DPY19L2: variants seen among roughly 807,000 people sequenced by gnomAD.
DPY19L2 encodes the protein probable C-mannosyltransferase DPY19L2.
DPY19L2 carries 34 observed loss-of-function variants against 97.9 expected under a neutral mutation model. The ratio of observed to expected loss-of-function variants is 0.35; its 90% CI spans 0.26 to 0.46. DPY19L2 has a LOEUF of 0.46. DPY19L2 is among the 20% of genes least tolerant of loss of function. DPY19L2 has a pLI of 1.00. For missense variants in DPY19L2, 623 were observed against 911.4 expected (o/e 0.68, Z 4.07); for synonymous variants, 230 against 307.9 (o/e 0.75, Z 2.65).
intron 12 of DPY19L2, among the ~76,000 whole-genome samples, chr12:63,604,793 T>C (rs1422714811): frequency 6.6e-6 from 1 of 152,190 alleles, no homozygotes; most frequent in African/African-American, 2.4e-5. Flanking sequence ...ATGACTGCTT[T>C]AAAACCCTTG....
intron 4 of DPY19L2, among the ~76,000 whole-genome samples, chr12:63,649,577 G>T (rs1893899440): frequency 6.6e-6 from 1 of 152,098 alleles, no homozygotes; most frequent in Admixed American, 6.6e-5. Context: ...GGAAAACCTA[G>T]AAGAAATGGC....
chr12:63,655,076 T>G (rs1894787956), intron 4 of DPY19L2, among the ~76,000 whole-genome samples: 1 of 152,106 alleles, frequency 6.6e-6, no homozygotes, highest in African/African-American at 2.4e-5. Context: ...GCAAGCCATA[T>G]ATATGAAAAA....
At chr12:63,634,368 C>T (rs1034810471) in intron 6 of DPY19L2, among the ~76,000 whole-genome samples, 1 of 152,148 alleles carries the variant, frequency 6.6e-6, no homozygotes, top group Non-Finnish European at 1.5e-5. Flanking sequence ...CAGTCTACAG[C>T]TCCCAGCACG....
rs186816515 is a variant in DPY19L2, at chr12:63,591,745, A to G, written c.1580+2342T>C. Among the ~76,000 whole-genome samples the G allele has an allele frequency of 2.3e-3, 352 of 151,368 alleles. 1 individual carries two copies. Among genetic ancestry groups the G allele is most frequent in the Non-Finnish European group, 3.5e-3 (238 of 67,792 alleles). ...AAAGTTAAAAAAGAAAGAAAAAGAA[A>G]AGCCTGACCAACACGGTGAAACCCC... is the stretch of plus-strand genomic sequence containing the variant. On this transcript the variant is annotated intron_variant, in intron 16 of 21. Coordinates refer to ENST00000324472, the MANE Select transcript of DPY19L2 (RefSeq NM_173812.5).
chr12:63,575,919 G>A (rs1377265915), intron 19 of DPY19L2, among the ~76,000 whole-genome samples: 1 of 151,922 alleles, frequency 6.6e-6, no homozygotes, highest in East Asian at 1.9e-4. Flanking sequence ...TAGAGGAAGA[G>A]GGAATACTTC....
At chr12:63,633,919 T>C (rs1031649507) in intron 6 of DPY19L2, among the ~76,000 whole-genome samples, 1 of 152,140 alleles carries the variant, frequency 6.6e-6, no homozygotes, top group South Asian at 2.1e-4. Flanking sequence ...TGTAGGGACA[T>C]GGATGAAGCT....
intron 6 of DPY19L2, among the ~76,000 whole-genome samples, chr12:63,632,796 A>G (rs564058262): frequency 3.3e-5 from 5 of 152,130 alleles, no homozygotes; most frequent in South Asian, 2.1e-4. Flanking sequence ...GAGACATCAC[A>G]CTACCTGACT....
intron 9 of DPY19L2, among the ~76,000 whole-genome samples, chr12:63,620,835 A>G (rs559609389): frequency 6.6e-6 from 1 of 152,302 alleles, no homozygotes; most frequent in South Asian, 2.1e-4. Flanking sequence ...TAGACTGGAT[A>G]AAGAAAATGT....
rs527719020 is a variant in DPY19L2 at position 63,651,980 on chromosome 12, C to T, written c.589-4615G>A. Reference sequence around the variant, plus strand: ...CTGGCCTTCAAACCCACCCACTTTCCATCCAGCCTTTCTGTCATCATCTCC... The same window carrying T: ...CTGGCCTTCAAACCCACCCACTTTCTATCCAGCCTTTCTGTCATCATCTCC... On this transcript the variant is annotated intron_variant, in intron 4 of 21. Coordinates refer to ENST00000324472, the MANE Select transcript of DPY19L2 (RefSeq NM_173812.5). 2.8e-5 allele frequency: 8 copies of T among 282,072 alleles called. No homozygotes were observed. In the East Asian group the frequency reaches 7.8e-4, roughly 28 times the overall value. 17.5% of individuals were successfully genotyped at this position (282,072 alleles called of 1,614,324 possible). A position where few individuals can be genotyped will look rare whatever the true frequency, so the allele number is the denominator to read the frequency against.
At position 63,668,098 on chromosome 12, in the gene DPY19L2, A is replaced by C. The variant is rs184219113; in HGVS notation, c.296T>G (p.Leu99Arg). Residue 99 changes from leucine to arginine, a missense_variant, in exon 1 of 22, where the codon CTG becomes CGG. Leu to Arg is a moderately radical substitution (Grantham distance 102). Around this residue, in one of 6 missense-constraint regions of DPY19L2, gnomAD observed 84 missense variants for 125.4 expected, o/e 0.67. Transcript: ENST00000324472. ...LAQLREKVQE[L>R]QARRFSSRTT... ...TCTGCTGGAGAACCGCCGCGCCTGCAGTTCCTGCACCTTTTCCCGGAGCTG... is the reference window on the plus strand; with the variant it reads ...TCTGCTGGAGAACCGCCGCGCCTGCCGTTCCTGCACCTTTTCCCGGAGCTG... 6.2e-7 allele frequency: 1 copy of C among 1,613,964 alleles called. No individual in the cohort carries two copies. The highest frequency in any genetic ancestry group is 2.2e-5 in the East Asian group (1 of 44,854).
intron 14 of DPY19L2, among the ~76,000 whole-genome samples, chr12:63,597,035 C>T (rs1333851239): frequency 1.3e-5 from 2 of 151,916 alleles, no homozygotes; most frequent in Admixed American, 6.6e-5. Flanking sequence ...TGCATTGGTG[C>T]GATCTCAGCT....
chr12:63,648,554 A>T (rs1177279369), intron 4 of DPY19L2, among the ~76,000 whole-genome samples: 6 of 152,048 alleles, frequency 3.9e-5, no homozygotes, highest in Middle Eastern at 3.4e-3. Flanking sequence ...CAGCCTCCCA[A>T]GTAGCTGGGA....
chr12:63,586,463 G>A (rs1291216257), intron 16 of DPY19L2, among the ~76,000 whole-genome samples: 1 of 152,156 alleles, frequency 6.6e-6, no homozygotes, highest in Non-Finnish European at 1.5e-5. Context: ...AACCTGGAAG[G>A]AGAGGGTGTC....
chr12:63,598,305 T>C (rs1326900785), intron 13 of DPY19L2, among the ~76,000 whole-genome samples: 1 of 152,210 alleles, frequency 6.6e-6, no homozygotes, highest in Non-Finnish European at 1.5e-5. Context: ...ATAAGCTTTC[T>C]GTGCACTGTC....
chr12:63,636,374 G>A (rs1891697768), intron 6 of DPY19L2, among the ~76,000 whole-genome samples: 1 of 152,026 alleles, frequency 6.6e-6, no homozygotes, highest in Non-Finnish European at 1.5e-5. Flanking sequence ...ATCAACTAAC[G>A]AGCAAAATAA....
At chr12:63,644,101 C>T (rs981905992) in intron 6 of DPY19L2, among the ~76,000 whole-genome samples, 1 of 152,062 alleles carries the variant, frequency 6.6e-6, no homozygotes, top group African/African-American at 2.4e-5. Flanking sequence ...CTACTGCTAA[C>T]CAAAGATCTC....
Position 63,591,679 on chromosome 12 carries a change from T to G in DPY19L2, c.1580+2408A>C, listed in dbSNP as rs546914076. On this transcript the variant is annotated intron_variant, in intron 16 of 21. Transcript: ENST00000324472. ...TTTTAACAATAAGTTTAGAAGAAAATTCATAAATATTCAGGAACACAAATA... is the reference window on the plus strand; with the variant it reads ...TTTTAACAATAAGTTTAGAAGAAAAGTCATAAATATTCAGGAACACAAATA... 6.6e-5 allele frequency among the ~76,000 whole-genome samples: 10 copies of G among 151,740 alleles called. No individual in the cohort carries two copies. In the East Asian group the frequency reaches 1.4e-3, roughly 21 times the overall value.
rs759560196 is a variant in DPY19L2, at chr12:63,668,078, T to G, written c.316A>C (p.Ser106Arg). Reference sequence around the variant, plus strand: ...TCACCGATGCCGAGAGTGGTTCTGCTGGAGAACCGCCGCGCCTGCAGTTCC... The same window carrying G: ...TCACCGATGCCGAGAGTGGTTCTGCGGGAGAACCGCCGCGCCTGCAGTTCC... ...VQELQARRFS[S>R]RTTLGIAVFV... The change falls in exon 1 of 22, where the codon AGC becomes CGC. Residue 106 changes from serine to arginine, a missense_variant. Around this residue, in one of 6 missense-constraint regions of DPY19L2, gnomAD observed 84 missense variants for 125.4 expected, o/e 0.67. Transcript: ENST00000324472. 9 of 1,613,856 alleles carry G rather than the reference T, an allele frequency of 5.6e-6. No homozygotes were observed. In the East Asian group the frequency reaches 1.3e-4, roughly 24 times the overall value.
chr12:63,667,557 C>A (rs1310036898), intron 1 of DPY19L2, among the ~76,000 whole-genome samples: 1 of 152,148 alleles, frequency 6.6e-6, no homozygotes. Flanking sequence ...TCATACTTCA[C>A]TGAAACAAAG....
Sources: gnomAD v4.1 joint callset for allele counts (sites outside exome capture counted in the v4.1 genomes callset) on GRCh38, gnomAD v4.1.1 for gene constraint, gnomAD v4.1.1 regional missense constraint, MANE v1.5 for transcripts, NCBI Gene and HGNC (gene_info 2026-07-23, HGNC 2026-07-21) for gene names.